The following HDAC9 variants were observed in gnomAD, a reference collection of about 807,000 sequenced individuals.
HDAC9 encodes MEF-2 interacting transcription repressor (MITR) protein.
Under a neutral mutation model 139.4 loss-of-function variants are expected in HDAC9, and 41 were observed. The ratio of observed to expected loss-of-function variants is 0.29; its 90% confidence interval spans 0.23 to 0.38. HDAC9 has a LOEUF of 0.38. Ranked by LOEUF, HDAC9 falls within the 10% of genes least tolerant of loss-of-function variation. The probability of loss-of-function intolerance (pLI) is 1.00; values close to 1 mark genes in which losing one functional copy is unlikely to be tolerated. For missense variants in HDAC9, 1,147 were observed against 1,297.0 expected, an observed-to-expected ratio of 0.88 and a Z score of 1.78; for synonymous variants, 517 against 476.2, an observed-to-expected ratio of 1.09 and a Z score of -1.12.
At chr7:18,437,844 T>A (rs2128770408) in intron 1 of HDAC9, among the ~76,000 whole-genome samples, 1 of 151,348 alleles carries the variant, frequency 6.6e-6, no homozygotes, top group South Asian at 2.1e-4. Flanking sequence ...GATTATAGAA[T>A]TAAAAATTAT....
chr7:18,139,750 T>G (rs1785750219), intron 1 of HDAC9, among the ~76,000 whole-genome samples: 1 of 152,120 alleles, frequency 6.6e-6, no homozygotes, highest in Non-Finnish European at 1.5e-5. Context: ...GGGCCCTAAA[T>G]GCAGTCACAT....
At chr7:18,511,279 C>T (rs908135179) in intron 2 of HDAC9, among the ~76,000 whole-genome samples, 1 of 152,168 alleles carries the variant, frequency 6.6e-6, no homozygotes, top group South Asian at 2.1e-4. Context: ...TTTATTATCC[C>T]AGTAATTAAA....
intron 16 of HDAC9, among the ~76,000 whole-genome samples, chr7:18,769,473 C>T (rs767732775): frequency 2.6e-5 from 4 of 152,144 alleles, no homozygotes; most frequent in Non-Finnish European, 5.9e-5. Context: ...GGAGAAGGAG[C>T]CCTGCATTGT....
intron 1 of HDAC9, among the ~76,000 whole-genome samples, chr7:18,137,925 C>G (rs1785556046): frequency 6.6e-6 from 1 of 151,412 alleles, no homozygotes; most frequent in South Asian, 2.1e-4. Context: ...GCTGTGAATC[C>G]ATCTGGTCCT....
upstream of HDAC9, among the ~76,000 whole-genome samples, chr7:18,494,061 A>G (rs759207361): frequency 6.6e-6 from 1 of 152,092 alleles, no homozygotes; most frequent in Non-Finnish European, 1.5e-5. Flanking sequence ...TAAATTTTGT[A>G]ATCAAAAGTT....
intron 23 of HDAC9, among the ~76,000 whole-genome samples, chr7:18,953,185 A>C (rs1782920376): frequency 6.6e-6 from 1 of 152,076 alleles, no homozygotes; most frequent in Non-Finnish European, 1.5e-5. Context: ...GCCATATTAT[A>C]GTTTGATCAC....
chr7:18,217,892 A>G (rs1443578870), intron 2 of HDAC9, among the ~76,000 whole-genome samples: 1 of 152,078 alleles, frequency 6.6e-6, no homozygotes. Context: ...TAACTGGGCC[A>G]TTTTTGCTGT....
Position 18,478,855 on chromosome 7 carries a change from G to A in HDAC9, c.-41-17407G>A, listed in dbSNP as rs543197478. ...GGGTTTAAAATGGTGTCTCATTTTG[G>A]CTTAATTTTCAATTTTCTGATTACT... On this transcript the variant is annotated intron_variant, in intron 1 of 3. Transcript: ENST00000413509. Among the ~76,000 whole-genome samples the A allele has an allele frequency of 5.3e-5, 8 of 152,154 alleles. No homozygotes were observed. The South Asian group carries it at 1.7e-3, about 32-fold the overall frequency.
intron 24 of HDAC9, among the ~76,000 whole-genome samples, chr7:18,969,662 A>G (rs1048591486): frequency 6.6e-6 from 1 of 152,200 alleles, no homozygotes; most frequent in African/African-American, 2.4e-5. Context: ...AAAACCATGC[A>G]AATTGACATT....
chr7:18,468,682 T>C (rs1586120315), intron 1 of HDAC9, among the ~76,000 whole-genome samples: 1 of 152,200 alleles, frequency 6.6e-6, no homozygotes, highest in East Asian at 1.9e-4. Context: ...TTCTAAAATT[T>C]TAGTGAGAAG....
intron 21 of HDAC9, among the ~76,000 whole-genome samples, chr7:18,851,738 C>T (rs1025665276): frequency 6.6e-6 from 1 of 152,152 alleles, no homozygotes; most frequent in East Asian, 1.9e-4. Context: ...TTAAATCATC[C>T]AATCTACTTT....
intron 1 of HDAC9, among the ~76,000 whole-genome samples, chr7:18,146,667 A>G (rs973030787): frequency 6.6e-6 from 1 of 152,192 alleles, no homozygotes; most frequent in Non-Finnish European, 1.5e-5. Context: ...TAAGTTACAC[A>G]TTATTTTCGA....
intron 2 of HDAC9, among the ~76,000 whole-genome samples, chr7:18,224,477 A>C (rs1001325114): frequency 6.6e-6 from 1 of 152,184 alleles, no homozygotes; most frequent in African/African-American, 2.4e-5. Flanking sequence ...ATAGGCAGGA[A>C]GTCACATTTA....
chr7:18,759,902 A>G (rs1789230665), intron 14 of HDAC9, among the ~76,000 whole-genome samples: 1 of 152,222 alleles, frequency 6.6e-6, no homozygotes, highest in Admixed American at 6.5e-5. Flanking sequence ...ACACATCAAG[A>G]TATACTTAAT....
chr7:18,214,110 G>T (rs928133514), intron 2 of HDAC9, among the ~76,000 whole-genome samples: 9 of 151,960 alleles, frequency 5.9e-5, no homozygotes, highest in Non-Finnish European at 4.4e-5. Context: ...CTACAACATA[G>T]TATTATAAGG....
At chr7:18,549,022 G>A (rs1406514237) in intron 2 of HDAC9, among the ~76,000 whole-genome samples, 4 of 152,090 alleles carry the variant, frequency 2.6e-5, no homozygotes, top group Admixed American at 2.0e-4. Context: ...GGAGGATCGC[G>A]AGGTCAAGAG....
chr7:18,151,702 T>G (rs1786793984), intron 1 of HDAC9: 1 of 152,190 alleles, frequency 6.6e-6, no homozygotes, highest in Non-Finnish European at 1.5e-5. Context: ...GCTGTCTGTA[T>G]AAAATTCCAC....
At chr7:18,867,605 G>A (rs190958627) in intron 21 of HDAC9, among the ~76,000 whole-genome samples, 1 of 152,176 alleles carries the variant, frequency 6.6e-6, no homozygotes, top group Non-Finnish European at 1.5e-5. Flanking sequence ...TTGAGGACAC[G>A]TTTTTTCTTT....
At chr7:18,335,374 C>A (rs1451792786) in intron 1 of HDAC9, among the ~76,000 whole-genome samples, 1 of 151,430 alleles carries the variant, frequency 6.6e-6, no homozygotes, top group African/African-American at 2.4e-5. Flanking sequence ...GCAGGTAGGA[C>A]GGTGACCCAG....
Sources: gnomAD v4.1 joint callset for allele counts (sites outside exome capture counted in the v4.1 genomes callset) on GRCh38, gnomAD v4.1.1 for gene constraint, MANE v1.5 for transcripts, NCBI Gene and HGNC (gene_info 2026-07-23, HGNC 2026-07-21) for gene names.